GPR149: variants seen among roughly 807,000 people sequenced by gnomAD.
GPR149 encodes the protein G protein-coupled receptor 149.
A neutral mutation model predicts 50.2 loss-of-function variants in GPR149; 50 were observed. That is an observed-to-expected ratio of 1.00 (90% CI 0.79 to 1.26). GPR149 has a LOEUF of 1.26. GPR149 is among the 50% of genes most tolerant of loss of function. GPR149 has a pLI of 0.00. For synonymous variants in GPR149, 405 were observed against 358.2 expected, an observed-to-expected ratio of 1.13 and a Z score of -1.48; for missense variants, 983 against 895.4, an observed-to-expected ratio of 1.10 and a Z score of -1.25.
intron 3 of GPR149, among the ~76,000 whole-genome samples, chr3:154,358,980 T>C (rs918721206): frequency 6.6e-6 from 1 of 152,166 alleles, no homozygotes. Context: ...AGAAGTGCCT[T>C]AGGTCATAGA....
In GPR149 at chr3:154,429,384, C is replaced by A; in HGVS notation, c.232G>T (p.Asp78Tyr). 1 of 1,614,194 alleles carries A rather than the reference C, an allele frequency of 6.2e-7. No homozygotes were observed. Among genetic ancestry groups the A allele is most frequent in the South Asian group, 1.1e-5 (1 of 91,078 alleles). The change falls in exon 1 of 4, where the codon GAT becomes TAT. Residue 78 changes from aspartate (D) to tyrosine (Y), a missense_variant. Transcript: ENST00000389740. ...SMLVASWSVD[D>Y]LMSVLSVTIF... ...GTCACCGACAGGACGCTCATGAGAT[C>A]ATCCACAGACCAGGAAGCCACAAGC...
intron 3 of GPR149, among the ~76,000 whole-genome samples, chr3:154,390,169 G>A (rs948294852): frequency 5.3e-5 from 8 of 151,956 alleles, no homozygotes; most frequent in African/African-American, 1.9e-4. Flanking sequence ...CTGGGAGTGC[G>A]GACATAAACA....
intron 3 of GPR149, among the ~76,000 whole-genome samples, chr3:154,390,189 G>A (rs565357109): frequency 4.6e-5 from 7 of 152,158 alleles, no homozygotes; most frequent in Non-Finnish European, 1.0e-4. Flanking sequence ...ACAAAGAGTC[G>A]AGAATAAAGA....
intron 3 of GPR149, among the ~76,000 whole-genome samples, chr3:154,378,288 T>C (rs1225393318): frequency 6.6e-6 from 1 of 152,064 alleles, no homozygotes; most frequent in Admixed American, 6.6e-5. Context: ...GAGACAGTGT[T>C]TCACCATGTT....
intron 3 of GPR149, among the ~76,000 whole-genome samples, chr3:154,365,903 T>C (rs1472463213): frequency 6.6e-6 from 1 of 152,238 alleles, no homozygotes; most frequent in Non-Finnish European, 1.5e-5. Context: ...TGCTTTTCTC[T>C]TCTGAGACCT....
Position 154,341,000 on chromosome 3 carries a change from G to A in GPR149, c.1624-2729C>T, listed in dbSNP as rs191022769. On this transcript the variant is annotated intron_variant, in intron 3 of 3. Coordinates refer to ENST00000389740, the MANE Select transcript of GPR149 (RefSeq NM_001038705.3). ...CTCCCAAAGGGCTGGGATTACAGGCGTGAGCCATCGTGCCCGGCCAAGATT... is the reference window on the plus strand; with the variant it reads ...CTCCCAAAGGGCTGGGATTACAGGCATGAGCCATCGTGCCCGGCCAAGATT... Among the ~76,000 whole-genome samples the A allele has an allele frequency of 2.1e-3, 326 of 152,224 alleles. 1 individual carries two copies. The highest frequency in any genetic ancestry group is 0.013 in the Admixed American group (193 of 15,298).
At chr3:154,423,928 C>A (rs1712224979) in intron 2 of GPR149, among the ~76,000 whole-genome samples, 3 of 151,632 alleles carry the variant, frequency 2.0e-5, no homozygotes, top group Admixed American at 2.0e-4. Context: ...ATACATGTGC[C>A]ATGTTGGTGT....
chr3:154,393,766 A>G (rs1576919820), intron 3 of GPR149, among the ~76,000 whole-genome samples: 1 of 152,024 alleles, frequency 6.6e-6, no homozygotes, highest in South Asian at 2.1e-4. Context: ...CTGTGTTTCT[A>G]TATACTAACA....
intron 3 of GPR149, among the ~76,000 whole-genome samples, chr3:154,414,530 C>T (rs937045629): frequency 1.3e-5 from 2 of 151,858 alleles, no homozygotes; most frequent in African/African-American, 2.4e-5. Context: ...ATCTTCATAA[C>T]CTCAAAATGT....
intron 3 of GPR149, among the ~76,000 whole-genome samples, chr3:154,351,447 T>C (rs1419221652): frequency 6.6e-6 from 1 of 151,184 alleles, no homozygotes; most frequent in Non-Finnish European, 1.5e-5. Context: ...TTGAAAGATA[T>C]AGGAGAAAAT....
chr3:154,357,468 A>T (rs1418337171), intron 3 of GPR149, among the ~76,000 whole-genome samples: 1 of 152,154 alleles, frequency 6.6e-6, no homozygotes, highest in Non-Finnish European at 1.5e-5. Flanking sequence ...TCTACAATGA[A>T]CTCAAACAAA....
At chr3:154,397,220 TGA>T in intron 3 of GPR149, among the ~76,000 whole-genome samples, 1 of 152,070 alleles carries the variant, frequency 6.6e-6, no homozygotes, top group African/African-American at 2.4e-5. Flanking sequence ...GGCTCATAAA[TGA>T]AAAAACAGAG....
At chr3:154,414,291 C>T (rs1166046276) in intron 3 of GPR149, among the ~76,000 whole-genome samples, 1 of 151,598 alleles carries the variant, frequency 6.6e-6, no homozygotes, top group East Asian at 1.9e-4. Flanking sequence ...ACCACCTGTT[C>T]CCTAAAAACC....
chr3:154,387,273 G>A (rs1006587354), intron 3 of GPR149, among the ~76,000 whole-genome samples: 1 of 152,104 alleles, frequency 6.6e-6, no homozygotes, highest in Admixed American at 6.6e-5. Flanking sequence ...ACCCGTGCCT[G>A]TAACACTTTT....
chr3:154,419,957 A>G (rs763375494), intron 3 of GPR149, among the ~76,000 whole-genome samples: 5 of 151,974 alleles, frequency 3.3e-5, no homozygotes, highest in Non-Finnish European at 7.4e-5. Flanking sequence ...CATATGCACA[A>G]TTGTCTCTTT....
chr3:154,398,068 C>CTT (rs1477882527), intron 3 of GPR149, among the ~76,000 whole-genome samples: 2 of 151,962 alleles, frequency 1.3e-5, no homozygotes, highest in Non-Finnish European at 2.9e-5. Flanking sequence ...GTCATATAAG[C>CTT]TTATATATAT....
chr3:154,420,956 A>T (rs949700961), intron 3 of GPR149, 83 bp downstream of exon 3: 6 of 1,024,936 alleles, frequency 5.9e-6, no homozygotes, highest in Non-Finnish European at 7.1e-6. Context: ...TGATTGAATA[A>T]AACAAACAAC....
intron 3 of GPR149, among the ~76,000 whole-genome samples, chr3:154,372,142 C>A (rs1372054463): frequency 6.6e-6 from 1 of 152,174 alleles, no homozygotes; most frequent in Admixed American, 6.5e-5. Context: ...AGAGGGGAGA[C>A]TGAGAGGAGG....
intron 3 of GPR149, among the ~76,000 whole-genome samples, chr3:154,374,647 G>A (rs1714750123): frequency 6.6e-6 from 1 of 152,128 alleles, no homozygotes; most frequent in South Asian, 2.1e-4. Flanking sequence ...AGGAACATTG[G>A]CATGCCAAAT....
Sources: allele counts gnomAD v4.1 joint callset (sites outside exome capture counted in the v4.1 genomes callset), GRCh38; gene constraint gnomAD v4.1.1; transcripts MANE v1.5; gene names NCBI Gene and HGNC (gene_info 2026-07-23, HGNC 2026-07-21).